Variants in GDF1 observed in about 807,000 individuals in gnomAD.
GDF1 encodes the protein growth differentiation factor 1.
A neutral mutation model predicts 7.4 loss-of-function variants in GDF1; 8 were observed. The observed-to-expected ratio is 1.09, with a 90% CI of 0.64 to 1.96. The LOEUF is 1.96. GDF1 is among the 30% of genes most tolerant of loss of function. The pLI is 0.00. For missense variants in GDF1, 574 were observed against 551.5 expected, an observed-to-expected ratio of 1.04 and a Z score of -0.41; for synonymous variants, 311 against 276.7, an observed-to-expected ratio of 1.12 and a Z score of -1.23.
chr19:18,884,028 A>C (rs1471563706), intron 3 of GDF1, 59 bp downstream of exon 3: 2 of 1,542,362 alleles, frequency 1.3e-6, no homozygotes. Context: ...CCGCAACATC[A>C]GCCTCCGCAC....
At chr19:18,872,859 G>A (rs2055999635) in intron 6 of GDF1, among the ~76,000 whole-genome samples, 1 of 152,128 alleles carries the variant, frequency 6.6e-6, no homozygotes, top group African/African-American at 2.4e-5. Flanking sequence ...ACGTTGGCCA[G>A]GTTGGTCTCG....
chr19:18,895,755 GC>G lies in GDF1; in HGVS notation c.-1074+68del. On this transcript the variant is annotated intron_variant, in intron 1 of 7. Transcript: ENST00000247005. This position sits in a 1 kb window ranked among gnomAD's most constrained non-coding sequence, Gnocchi z 6.4. ...GCTGGAAGAAAGGAACGCGCCGGCG[GC>G]CCCAGGTCCCCGGTCCCGGCTTCCC... 2 of 883,386 alleles carry G rather than the reference GC, an allele frequency of 2.3e-6. No homozygotes were observed. Among genetic ancestry groups the G allele is most frequent in the Non-Finnish European group, 1.4e-6 (1 of 691,584 alleles). 54.7% of individuals were successfully genotyped at this position (883,386 alleles called of 1,614,324 possible). A position where few individuals can be genotyped will look rare whatever the true frequency, so the allele number is the denominator to read the frequency against.
In GDF1 at chr19:18,893,574, G is replaced by A. The variant is rs753399642; in HGVS notation, c.-1072C>T. 6 of 1,607,152 alleles carry A rather than the reference G, an allele frequency of 3.7e-6. No homozygotes were observed. Among genetic ancestry groups the A allele is most frequent in the Non-Finnish European group, 5.1e-6 (6 of 1,177,698 alleles). On this transcript the variant is annotated splice_region_variant and 5_prime_UTR_variant, in exon 2 of 8. Transcript: ENST00000247005. ...CTGGAGGCAGCACCGCTTCGCCAGG[G>A]GCTATGGGGGAGAAGACAGGCGGGC...
In GDF1 at chr19:18,868,899, A is replaced by G; in HGVS notation, c.817T>C (p.Tyr273His). 2.1e-6 allele frequency: 3 copies of G among 1,405,560 alleles called. No homozygotes were observed. The highest frequency in any genetic ancestry group is 1.5e-5 in the African/African-American group (1 of 65,322). The allele number at this position is 1,405,560 out of a possible 1,614,324, so 87.1% of individuals were successfully genotyped here. ...CAGCCCACCTCGCGGAAGCTCACGT[A>G]CAGCCGCCGCGCGCGACAAGCGCCC... Reference protein sequence around the residue: ...PGGACRARRLYVSFREVGWHR... With the variant: ...PGGACRARRLHVSFREVGWHR... The change falls in exon 8 of 8, where the codon TAC becomes CAC. Residue 273 changes from tyrosine to histidine, a missense_variant. Physicochemically the swap from Tyr to His is moderately conservative, Grantham distance 83. Transcript: ENST00000247005.
Position 18,878,954 on chromosome 19 carries a change from T to A in GDF1, c.-337A>T. On this transcript the variant is annotated 5_prime_UTR_variant, in exon 6 of 8. The change creates a premature stop within an existing upstream ORF in the 5' untranslated region. Transcript: ENST00000247005. The surrounding 1 kb of genome is among the most constrained non-coding windows in gnomAD (Gnocchi z 4.6). ...CTCGGCTTTGCTGGGCTTCAGGCTC[T>A]GGGCCTCGGCTGTGTCATACTCCCG... is the stretch of plus-strand genomic sequence containing the variant. 6.2e-7 allele frequency: 1 copy of A among 1,613,784 alleles called. No homozygotes were observed. The highest frequency in any genetic ancestry group is 1.7e-4 in the Middle Eastern group (1 of 6,060).
intron 2 of GDF1, among the ~76,000 whole-genome samples, chr19:18,892,779 G>A (rs2056524015): frequency 6.6e-6 from 1 of 152,100 alleles, no homozygotes; most frequent in Admixed American, 6.6e-5. Flanking sequence ...GGTCCTTCCA[G>A]GATGTCTTCC....
Position 18,868,754 on chromosome 19 carries a change from C to T in GDF1, c.962G>A (p.Arg321His). Residue 321 changes from arginine (R) to histidine (H), a missense_variant, in exon 8 of 8, where the codon CGC (arginine) becomes CAC (histidine). By Grantham distance (29) the Arg-to-His change is conservative (BLOSUM62 0). Coordinates refer to ENST00000247005, the MANE Select transcript of GDF1 (RefSeq NM_001492.6). Reference protein sequence around the residue: ...GPPALNHAVLRALMHAAAPGA... With the variant: ...GPPALNHAVLHALMHAAAPGA... ...CGGGGCGGCCGCGTGCATGAGCGCG[C>T]GCAGCACAGCGTGGTTGAGCGCCGG... is the stretch of plus-strand genomic sequence containing the variant. 1.3e-6 allele frequency: 2 copies of T among 1,516,672 alleles called. No individual in the cohort carries two copies. The highest frequency in any genetic ancestry group is 8.9e-7 in the Non-Finnish European group (1 of 1,126,806). The allele number at this position is 1,516,672 out of a possible 1,614,324, so 94.0% of individuals were successfully genotyped here.
intron 6 of GDF1, among the ~76,000 whole-genome samples, chr19:18,875,805 C>G (rs1222432515): frequency 6.6e-6 from 1 of 152,088 alleles, no homozygotes; most frequent in Non-Finnish European, 1.5e-5. Flanking sequence ...AAGAGAAAGC[C>G]CTGGGAAGAC....
chr19:18,869,480 T>G, intron 7 of GDF1, 90 bp from the exon 8 acceptor site: 2 of 1,314,210 alleles, frequency 1.5e-6, no homozygotes, highest in Non-Finnish European at 2.0e-6. Context: ...AGGTGAACGC[T>G]GGGGCTCGGG....
intron 3 of GDF1, among the ~76,000 whole-genome samples, chr19:18,881,078 A>G (rs1275149571): frequency 6.6e-6 from 1 of 151,810 alleles, no homozygotes; most frequent in Non-Finnish European, 1.5e-5. Flanking sequence ...GGCCTGGGGT[A>G]CTCTGTGTCC....
intron 7 of GDF1, among the ~76,000 whole-genome samples, chr19:18,869,775 G>A (rs1268038365): frequency 2.0e-5 from 3 of 152,282 alleles, no homozygotes; most frequent in African/African-American, 7.2e-5. Context: ...CAAGCAGAAG[G>A]ACTGGTCTTG....
At chr19:18,892,592 C>A (rs1358665247) in intron 2 of GDF1, among the ~76,000 whole-genome samples, 1 of 151,958 alleles carries the variant, frequency 6.6e-6, no homozygotes, top group Non-Finnish European at 1.5e-5. Flanking sequence ...CTAGCCTGGG[C>A]GACAGAGCGA....
At chr19:18,872,350 T>C (rs2055985984) in intron 6 of GDF1, among the ~76,000 whole-genome samples, 1 of 152,114 alleles carries the variant, frequency 6.6e-6, no homozygotes, top group African/African-American at 2.4e-5. Context: ...CTTTTTTTCT[T>C]GTTTTGTTTT....
rs2056622501 is a variant in GDF1, at chr19:18,896,116, G to A, written c.-1366C>T. 2 of 782,892 alleles carry A rather than the reference G, an allele frequency of 2.6e-6. No individual in the cohort carries two copies. The highest frequency in any genetic ancestry group is 5.7e-5 in the South Asian group (1 of 17,684). The allele number at this position is 782,892 out of a possible 1,614,324, so 48.5% of individuals were successfully genotyped here. A position where few individuals can be genotyped will look rare whatever the true frequency, so the allele number is the denominator to read the frequency against. ...GTGCCCGTCGCCTGCGCCCGCCCGCGGTAGCCGACGGAGCCGCGCGCCCCG... is the reference window on the plus strand; with the variant it reads ...GTGCCCGTCGCCTGCGCCCGCCCGCAGTAGCCGACGGAGCCGCGCGCCCCG... On this transcript the variant is annotated 5_prime_UTR_variant, in exon 1 of 8. Coordinates refer to ENST00000247005, the MANE Select transcript of GDF1 (RefSeq NM_001492.6). This position sits in a 1 kb window ranked among gnomAD's most constrained non-coding sequence, Gnocchi z 5.9.
chr19:18,868,783 C>A lies in GDF1; in HGVS notation c.933G>T (p.Gly311=), dbSNP rs1288122892. 4.8e-6 allele frequency: 7 copies of A among 1,459,362 alleles called. No individual in the cohort carries two copies. The highest frequency in any genetic ancestry group is 3.1e-5 in the East Asian group (1 of 31,858). 90.4% of individuals were successfully genotyped at this position (1,459,362 alleles called of 1,614,324 possible). Residue 311 remains glycine, a synonymous_variant, in exon 8 of 8, where the codon GGG becomes GGT. Coordinates refer to ENST00000247005, the MANE Select transcript of GDF1 (RefSeq NM_001492.6). ...ALPVALSGSG[G]PPALNHAVLR... ...GCACAGCGTGGTTGAGCGCCGGCGGCCCCCCGGACCCCGACAGCGCGACGG... is the reference window on the plus strand; with the variant it reads ...GCACAGCGTGGTTGAGCGCCGGCGGACCCCCGGACCCCGACAGCGCGACGG...
Position 18,878,570 on chromosome 19 carries a change from G to A in GDF1, c.-313+360C>T. On this transcript the variant is annotated intron_variant, in intron 6 of 7. Coordinates refer to ENST00000247005, the MANE Select transcript of GDF1 (RefSeq NM_001492.6). The surrounding 1 kb of genome is among the most constrained non-coding windows in gnomAD (Gnocchi z 4.6). The stretch of plus-strand genomic sequence containing the variant: ...GCCACCAGCTCCAGTGGCGACATGG[G>A]TCAGAGGTCGTCATCCAGGCTGGCC... 1.8e-6 allele frequency: 2 copies of A among 1,087,824 alleles called. No individual in the cohort carries two copies. The highest frequency in any genetic ancestry group is 2.2e-6 in the Non-Finnish European group (2 of 890,028). 67.4% of individuals were successfully genotyped at this position (1,087,824 alleles called of 1,614,324 possible).
chr19:18,873,543 A>T (rs1382696739), intron 6 of GDF1, among the ~76,000 whole-genome samples: 1 of 151,978 alleles, frequency 6.6e-6, no homozygotes, highest in Non-Finnish European at 1.5e-5. Context: ...CAAAAATTTT[A>T]AAAATTAGCC....
intron 2 of GDF1, among the ~76,000 whole-genome samples, chr19:18,888,704 C>T (rs2056421227): frequency 6.6e-6 from 1 of 150,948 alleles, no homozygotes; most frequent in Non-Finnish European, 1.5e-5. Flanking sequence ...GTAGTACATG[C>T]CTGTGATCCC....
intron 3 of GDF1, among the ~76,000 whole-genome samples, chr19:18,882,884 G>A (rs1427265289): frequency 3.9e-5 from 6 of 152,114 alleles, no homozygotes; most frequent in East Asian, 3.9e-4. Context: ...GTAGAGACAC[G>A]GTTTCACTGT....
Sources: allele counts gnomAD v4.1 joint callset (sites outside exome capture counted in the v4.1 genomes callset), GRCh38; gene constraint gnomAD v4.1.1; non-coding constraint Gnocchi (gnomAD v3.1); transcripts MANE v1.5; gene names NCBI Gene and HGNC (gene_info 2026-07-23, HGNC 2026-07-21).